Variants in MYB observed in about 807,000 individuals in gnomAD.
MYB encodes MYB proto-oncogene, transcription factor, also known as transcriptional activator Myb.
In MYB, 28 loss-of-function variants were observed where a neutral mutation model predicts 92.9. That is an observed-to-expected ratio of 0.30 (90% CI 0.22 to 0.41). The LOEUF (loss-of-function observed/expected upper bound fraction) is 0.41, where lower values mean the gene tolerates loss of function less well. Ranked by LOEUF, MYB falls within the 10% of genes least tolerant of loss-of-function variation. The pLI is 1.00. For synonymous variants in MYB, 295 were observed against 329.1 expected, an observed-to-expected ratio of 0.90 and a Z score of 1.12; for missense variants, 679 against 929.3, an observed-to-expected ratio of 0.73 and a Z score of 3.50.
rs55906319 is a variant in MYB, at chr6:135,184,144, C to T, written c.24-1759C>T. 3.4e-4 allele frequency among the ~76,000 whole-genome samples: 52 copies of T among 152,194 alleles called. No homozygotes were observed. In the East Asian group the frequency reaches 9.5e-3, roughly 28 times the overall value. ...ATGTGCTCAGTTCTGAAAATGTGAC[C>T]TCTAGATCCAGCCAAACCTGAAAAG... On this transcript the variant is annotated intron_variant, in intron 1 of 15. Transcript: ENST00000341911.
Position 135,190,050 on chromosome 6 carries a change from T to A in MYB, c.307-77T>A. The A allele has an allele frequency of 6.5e-7, 1 of 1,528,080 alleles. No homozygotes were observed. The highest frequency in any genetic ancestry group is 8.9e-7 in the Non-Finnish European group (1 of 1,118,816). The allele number at this position is 1,528,080 out of a possible 1,614,324, so 94.7% of individuals were successfully genotyped here. A position where few individuals can be genotyped will look rare whatever the true frequency, so the allele number is the denominator to read the frequency against. Reference sequence around the variant, plus strand: ...AATTTTGGAAATTTTCTAAAGATCTTGTAACACTGAAGAATGATTATACTG... The same window carrying A: ...AATTTTGGAAATTTTCTAAAGATCTAGTAACACTGAAGAATGATTATACTG... On this transcript the variant is annotated intron_variant, in intron 4 of 15. Transcript: ENST00000341911. This position sits in a 1 kb window ranked among gnomAD's most constrained non-coding sequence, Gnocchi z 4.5.
chr6:135,199,601 C>T (rs1777788146), intron 11 of MYB: 2 of 971,552 alleles, frequency 2.1e-6, no homozygotes, highest in Non-Finnish European at 1.3e-6. Context: ...CATTTTTATT[C>T]AATAAAGCCT....
chr6:135,212,191 C>CATG (rs1347124304), intron 15 of MYB, among the ~76,000 whole-genome samples: 2 of 127,890 alleles, frequency 1.6e-5, no homozygotes, highest in Non-Finnish European at 3.2e-5. Flanking sequence ...ACAATAAAAA[C>CATG]ATGATACCAT....
At chr6:135,197,567 G>T (rs978106055) in intron 10 of MYB, among the ~76,000 whole-genome samples, 1 of 152,144 alleles carries the variant, frequency 6.6e-6, no homozygotes, top group Non-Finnish European at 1.5e-5. Context: ...AAAGATAGTT[G>T]CATGAAACGT....
At chr6:135,186,498 T>C (rs1290574593) in intron 2 of MYB, among the ~76,000 whole-genome samples, 4 of 152,270 alleles carry the variant, frequency 2.6e-5, no homozygotes. Flanking sequence ...TTGTGTTTCC[T>C]GAATTCACAA....
chr6:135,217,230 T>C (rs1780572842), intron 15 of MYB, among the ~76,000 whole-genome samples: 1 of 151,890 alleles, frequency 6.6e-6, no homozygotes, highest in African/African-American at 2.4e-5. Flanking sequence ...TTAGTGGGGC[T>C]TGGTGGCACG....
At position 135,217,907 on chromosome 6, in the gene MYB, A is replaced by G; in HGVS notation, c.2213A>G (p.Glu738Gly). ...GAACCTGCATCCTGTGGAAAGATGG[A>G]GGAGCAGATGACATCTTCCAGTCAA... ...TWEPASCGKM[E>G]EQMTSSSQAR... Residue 738 changes from glutamate to glycine, a missense_variant, in exon 16 of 16, where the codon GAG becomes GGG. Around this residue, in one of 8 missense-constraint regions of MYB, gnomAD observed 402 missense variants for 434.2 expected, o/e 0.93. Coordinates refer to ENST00000341911, the MANE Select transcript of MYB (RefSeq NM_001130173.2). 1.2e-6 allele frequency: 2 copies of G among 1,613,518 alleles called. No individual in the cohort carries two copies. The highest frequency in any genetic ancestry group is 1.7e-6 in the Non-Finnish European group (2 of 1,179,622).
intron 3 of MYB, among the ~76,000 whole-genome samples, chr6:135,188,291 T>C (rs76250521): frequency 0.043 from 6,503 of 152,112 alleles, 512 homozygotes; most frequent in African/African-American, 0.15. Flanking sequence ...AGGTTTAAAA[T>C]TCTGAAGACC....
chr6:135,211,254 T>A (rs1192560636), intron 15 of MYB, among the ~76,000 whole-genome samples: 2 of 150,480 alleles, frequency 1.3e-5, no homozygotes, highest in African/African-American at 2.5e-5. Flanking sequence ...TTTTGGTCAC[T>A]TTTTTCCACT....
At position 135,181,378 on chromosome 6, in the gene MYB, C is replaced by T. The variant is rs1413906674; in HGVS notation, c.-136C>T. On this transcript the variant is annotated 5_prime_UTR_variant, in exon 1 of 16. Coordinates refer to ENST00000341911, the MANE Select transcript of MYB (RefSeq NM_001130173.2). This position sits in a 1 kb window ranked among gnomAD's most constrained non-coding sequence, Gnocchi z 5.3. Reference sequence around the variant, plus strand: ...TCCGTGACCTCCTCCTCCTCTTTCTCCTGAGAAACTTCGCCCCAGCGGTGC... The same window carrying T: ...TCCGTGACCTCCTCCTCCTCTTTCTTCTGAGAAACTTCGCCCCAGCGGTGC... 2.5e-6 allele frequency: 1 copy of T among 406,740 alleles called. No individual in the cohort carries two copies. Among genetic ancestry groups the T allele is most frequent in the Admixed American group, 5.9e-5 (1 of 16,846 alleles). The allele number at this position is 406,740 out of a possible 1,614,324, so 25.2% of individuals were successfully genotyped here.
chr6:135,202,989 C>T (rs1191818018), intron 14 of MYB: 1 of 699,900 alleles, frequency 1.4e-6, no homozygotes, highest in Non-Finnish European at 2.6e-6. Context: ...ACTCTGGGAT[C>T]CCAAAGGAGC....
chr6:135,194,966 G>A, intron 8 of MYB: 2 of 1,336,230 alleles, frequency 1.5e-6, no homozygotes, highest in Non-Finnish European at 2.0e-6. Flanking sequence ...AAAGTTATGT[G>A]GGCCATTACT....
At chr6:135,200,921 A>G (rs1384612544) in intron 13 of MYB, among the ~76,000 whole-genome samples, 1 of 152,048 alleles carries the variant, frequency 6.6e-6, no homozygotes, top group East Asian at 1.9e-4. Context: ...CACTAAAAAT[A>G]CAAAAAAATT....
chr6:135,192,235 G>T, intron 5 of MYB, 89 bp from the exon 6 acceptor site: 3 of 1,056,648 alleles, frequency 2.8e-6, no homozygotes, highest in Non-Finnish European at 4.4e-6. Context: ...CAAGGGAAAG[G>T]TCTCTGTTAG....
In MYB at chr6:135,218,079, C is replaced by T; in HGVS notation, c.*99C>T. On this transcript the variant is annotated 3_prime_UTR_variant, in exon 16 of 16. Coordinates refer to ENST00000341911, the MANE Select transcript of MYB (RefSeq NM_001130173.2). ...AACTTTTCATGAATGGGAGAAGAAC[C>T]TATTTTTGTTGTGGTACAACAGTTG... is the stretch of plus-strand genomic sequence containing the variant. 1 of 960,388 alleles carries T rather than the reference C, an allele frequency of 1.0e-6. No individual in the cohort carries two copies. Among genetic ancestry groups the T allele is most frequent in the Non-Finnish European group, 1.7e-6 (1 of 598,984 alleles). 59.5% of individuals were successfully genotyped at this position (960,388 alleles called of 1,614,324 possible).
chr6:135,217,750 C>T (rs942305773), intron 15 of MYB, 114 bp from the exon 16 acceptor site: 1 of 764,534 alleles, frequency 1.3e-6, no homozygotes, highest in Admixed American at 2.1e-5. Flanking sequence ...TTCTATCTGA[C>T]AAAGCCTTCC....
Position 135,217,894 on chromosome 6 carries a change from T to C in MYB, c.2200T>C (p.Cys734Arg), listed in dbSNP as rs1348916847. Residue 734 changes from cysteine to arginine, a missense_variant, in exon 16 of 16, where the codon TGT (cysteine) becomes CGT (arginine). Coordinates refer to ENST00000341911, the MANE Select transcript of MYB (RefSeq NM_001130173.2). The part of the protein sequence containing the change: ...PCSSTWEPAS[C>R]GKMEEQMTSS... ...TAGCAGTACCTGGGAACCTGCATCC[T>C]GTGGAAAGATGGAGGAGCAGATGAC... 6.2e-7 allele frequency: 1 copy of C among 1,613,036 alleles called. No individual in the cohort carries two copies. The highest frequency in any genetic ancestry group is 8.5e-7 in the Non-Finnish European group (1 of 1,179,308).
At chr6:135,183,659 TGGCCA>T (rs1775486713) in intron 1 of MYB, among the ~76,000 whole-genome samples, 1 of 152,220 alleles carries the variant, frequency 6.6e-6, no homozygotes, top group Non-Finnish European at 1.5e-5. Flanking sequence ...CGAGCCTGGG[TGGCCA>T]GCCTGGCAGG....
chr6:135,205,967 A>C (rs1201727932), intron 15 of MYB, among the ~76,000 whole-genome samples: 1 of 152,062 alleles, frequency 6.6e-6, no homozygotes, highest in African/African-American at 2.4e-5. Context: ...GCACTTTTGG[A>C]GGCCGAGGTG....
Sources: allele counts gnomAD v4.1 joint callset (sites outside exome capture counted in the v4.1 genomes callset), GRCh38; gene constraint gnomAD v4.1.1; regional missense constraint gnomAD v4.1.1; non-coding constraint Gnocchi (gnomAD v3.1); transcripts MANE v1.5; gene names NCBI Gene and HGNC (gene_info 2026-07-23, HGNC 2026-07-21).